FASN: variants seen among roughly 807,000 people sequenced by gnomAD.
FASN encodes 3-hydroxyacyl-[acyl-carrier-protein] dehydratase.
FASN carries 50 observed loss-of-function variants against 250.0 expected under a neutral mutation model. The ratio of observed to expected loss-of-function variants is 0.20; its 90% confidence interval spans 0.16 to 0.25. The LOEUF (loss-of-function observed/expected upper bound fraction) is 0.25, where lower values mean the gene tolerates loss of function less well. Among genes scored for constraint, FASN ranks in the 10% least tolerant of loss-of-function variants. The pLI is 1.00. For synonymous variants in FASN, 1,909 were observed against 1,584.0 expected, an observed-to-expected ratio of 1.21 and a Z score of -4.87; for missense variants, 3,031 against 3,498.5, an observed-to-expected ratio of 0.87 and a Z score of 3.37.
intron 5 of FASN, 45 bp downstream of exon 5, chr17:82,093,174 T>A (rs551181692): frequency 7.8e-6 from 12 of 1,542,708 alleles, no homozygotes; most frequent in South Asian, 1.2e-5. Flanking sequence ...GGGGCCGTCC[T>A]GTGCCACTGT....
chr17:82,090,468 A>T lies in FASN; in HGVS notation c.1777T>A (p.Cys593Ser), dbSNP rs1050288350. The T allele has an allele frequency of 6.2e-7, 1 of 1,607,280 alleles. No homozygotes were observed. The highest frequency in any genetic ancestry group is 1.3e-5 in the African/African-American group (1 of 74,804). The change falls in exon 11 of 43, where the codon TGC (cysteine) becomes AGC (serine). Residue 593 changes from cysteine (C) to serine (S), a missense_variant. Cys to Ser is a moderately radical substitution (Grantham distance 112, BLOSUM62 -1). Coordinates refer to ENST00000306749, the MANE Select transcript of FASN (RefSeq NM_004104.5). Reference sequence around the variant, plus strand: ...AGGACGGCCTCCTCCTGGGACAGGCAGCCGTCGGCGTAGCCACAGGCCACC... The same window carrying T: ...AGGACGGCCTCCTCCTGGGACAGGCTGCCGTCGGCGTAGCCACAGGCCACC... ...GEVACGYADG[C>S]LSQEEAVLAA...
At chr17:82,093,901 G>A (rs930562233) in intron 3 of FASN, 130 bp from the exon 4 acceptor site, 57 of 959,036 alleles carry the variant, frequency 5.9e-5, no homozygotes, top group Admixed American at 1.3e-4. Context: ...GTCCATCCCA[G>A]TGGGACCCTG....
rs200847998 is a variant in FASN, at chr17:82,088,871, G to C, written c.2310C>G (p.Val770=). 1 of 1,612,402 alleles carries C rather than the reference G, an allele frequency of 6.2e-7. No individual in the cohort carries two copies. The highest frequency in any genetic ancestry group is 1.3e-5 in the African/African-American group (1 of 75,030). Residue 770 remains valine (V), a synonymous_variant, in exon 15 of 43, where the codon GTC becomes GTG. Coordinates refer to ENST00000306749, the MANE Select transcript of FASN (RefSeq NM_004104.5). ...AGCTCGGCTTCAGGCCACGCTTCAG[G>C]ACAGCCTGGGGGCGGCAGGGCAGGT... The part of the protein sequence containing the change: ...EIAPHALLQA[V]LKRGLKPSCT...
rs976907017 is a variant in FASN, at chr17:82,078,867, C to A, written c.*276G>T. 1 of 567,740 alleles carries A rather than the reference C, an allele frequency of 1.8e-6. No homozygotes were observed. The highest frequency in any genetic ancestry group is 3.2e-6 in the Non-Finnish European group (1 of 315,810). 35.2% of individuals were successfully genotyped at this position (567,740 alleles called of 1,614,324 possible). On this transcript the variant is annotated 3_prime_UTR_variant, in exon 43 of 43. Transcript: ENST00000306749. The surrounding 1 kb of genome is among the most constrained non-coding windows in gnomAD (Gnocchi z 5.4). Reference sequence around the variant, plus strand: ...ACCAAGCGCAGACCCCACGGGCGCACGAGGCCCAGCCCAGTTCCTGCGGGC... The same window carrying A: ...ACCAAGCGCAGACCCCACGGGCGCAAGAGGCCCAGCCCAGTTCCTGCGGGC...
At chr17:82,095,203 C>T (rs961642598) in intron 3 of FASN, 117 bp downstream of exon 3, 14 of 1,289,808 alleles carry the variant, frequency 1.1e-5, no homozygotes, top group Admixed American at 1.7e-5. Context: ...GGGGCACAGC[C>T]GGGGAGGGTA....
At chr17:82,080,263 G>A in intron 40 of FASN, 25 bp from the exon 41 acceptor site, 2 of 1,612,500 alleles carry the variant, frequency 1.2e-6, no homozygotes, top group East Asian at 2.2e-5. Flanking sequence ...GGACTGCTGA[G>A]CAGATGGAAG....
At chr17:82,080,334 T>C in intron 40 of FASN, 36 bp downstream of exon 40, 1 of 1,608,668 alleles carries the variant, frequency 6.2e-7, no homozygotes, top group Non-Finnish European at 8.5e-7. Flanking sequence ...AGCCCAGACG[T>C]TTGCCGTAGG....
At position 82,089,007 on chromosome 17, in the gene FASN, C is replaced by T. The variant is rs150531044; in HGVS notation, c.2266G>A (p.Ala756Thr). 10 of 1,609,202 alleles carry T rather than the reference C, an allele frequency of 6.2e-6. No homozygotes were observed. Among genetic ancestry groups the T allele is most frequent in the African/African-American group, 5.4e-5 (4 of 74,760 alleles). Reference sequence around the variant, plus strand: ...TGGGGCGCGATCTCCAGCACCACCGCGTGCTCAGGCACGTGCCACAGGGCC... The same window carrying T: ...TGGGGCGCGATCTCCAGCACCACCGTGTGCTCAGGCACGTGCCACAGGGCC... ...QEALWHVPEHAVVLEIAPHAL... is the reference protein window; with the variant it reads ...QEALWHVPEHTVVLEIAPHAL... Residue 756 changes from alanine to threonine, a missense_variant, in exon 14 of 43, where the codon GCG becomes ACG. Transcript: ENST00000306749.
Position 82,085,486 on chromosome 17 carries a change from C to T in FASN, c.4118G>A (p.Ser1373Asn). ...CCCCCTGCCCGGCGGCCGCACCTGG[C>T]TCAGGATGCCCTGGCCATACTGCGG... ...TEPQYGQGIL[S>N]QDAWESLFSR... The change falls in exon 23 of 43, where the codon AGC (serine) becomes AAC (asparagine). Residue 1373 changes from serine to asparagine, a missense_variant. Transcript: ENST00000306749. The T allele has an allele frequency of 6.3e-7, 1 of 1,591,632 alleles. No homozygotes were observed. The highest frequency in any genetic ancestry group is 8.5e-7 in the Non-Finnish European group (1 of 1,169,968).
rs2144780749 is a variant in FASN, at chr17:82,081,175, T to C, written c.6584A>G (p.Asp2195Gly). Residue 2195 changes from aspartate to glycine, a missense_variant, in exon 38 of 43, where the codon GAT becomes GGT. Coordinates refer to ENST00000306749, the MANE Select transcript of FASN (RefSeq NM_004104.5). ...RKLQELSSKA[D>G]EASELACPTP... ...CCACCCACACGCACCGCTGGCCTCA[T>C]CCGCCTTTGAGGACAGCTCCTGCAG... 1.3e-6 allele frequency: 2 copies of C among 1,585,746 alleles called. No individual in the cohort carries two copies. Among genetic ancestry groups the C allele is most frequent in the Non-Finnish European group, 1.7e-6 (2 of 1,167,192 alleles).
In FASN at chr17:82,088,280, T is replaced by A; in HGVS notation, c.2621A>T (p.Tyr874Phe). The A allele has an allele frequency of 6.2e-7, 1 of 1,605,732 alleles. No homozygotes were observed. The highest frequency in any genetic ancestry group is 1.1e-5 in the South Asian group (1 of 91,046). Reference protein sequence around the residue: ...IDTSSESPDHYLVDHTLDGRV... With the variant: ...IDTSSESPDHFLVDHTLDGRV... Reference sequence around the variant, plus strand: ...ACCGTCGAGGGTGTGGTCCACCAGGTAGTGGTCAGGAGACTCGGAGCTGGT... The same window carrying A: ...ACCGTCGAGGGTGTGGTCCACCAGGAAGTGGTCAGGAGACTCGGAGCTGGT... Residue 874 changes from tyrosine (Y) to phenylalanine (F), a missense_variant, in exon 17 of 43, where the codon TAC becomes TTC. By Grantham distance (22) the Tyr-to-Phe change is conservative. Transcript: ENST00000306749.
chr17:82,091,481 G>C lies in FASN; in HGVS notation c.1233C>G (p.Pro411=). 1.2e-6 allele frequency: 2 copies of C among 1,604,846 alleles called. No homozygotes were observed. Among genetic ancestry groups the C allele is most frequent in the East Asian group, 2.2e-5 (1 of 44,446 alleles). The change falls in exon 9 of 43, where the codon CCC becomes CCG. Residue 411 remains proline (P), a synonymous_variant. Transcript: ENST00000306749. ...GGGTGGCATGTGGGGCGGGTGCGGG[G>C]GGCGGCTGCGTGTTGGGCCTCAGGA... The part of the protein sequence containing the change: ...HIILRPNTQP[P]PAPAPHATLP...
In FASN at chr17:82,083,914, C is replaced by T. The variant is rs756074348; in HGVS notation, c.5099-23G>A. On this transcript the variant is annotated intron_variant, in intron 29 of 42. Transcript: ENST00000306749. The stretch of plus-strand genomic sequence containing the variant: ...ACCCTGGTGAAGAGAGGAAGCGCGG[C>T]TGGTGAGCCAGGGCGGCGGGGCCAG... The T allele has an allele frequency of 3.2e-6, 5 of 1,555,320 alleles. No homozygotes were observed. In the Admixed American group the frequency reaches 9.8e-5, roughly 30 times the overall value.
rs746365737 is a variant in FASN at position 82,085,706 on chromosome 17, C to A, written c.3898G>T (p.Ala1300Ser). Residue 1300 changes from alanine to serine, a missense_variant, in exon 23 of 43, where the codon GCA (alanine) becomes TCA (serine). Ala to Ser is a moderately conservative substitution (Grantham distance 99). Coordinates refer to ENST00000306749, the MANE Select transcript of FASN (RefSeq NM_004104.5). ...CCCAGGGCGCTGGGGGCAGGGTCTG[C>A]GGGATCCCACTGGCCCTGGGCAACG... is the stretch of plus-strand genomic sequence containing the variant. The part of the protein sequence containing the change: ...HDVAQGQWDP[A>S]DPAPSALGSA... 4 of 1,566,870 alleles carry A rather than the reference C, an allele frequency of 2.6e-6. No homozygotes were observed. The highest frequency in any genetic ancestry group is 2.6e-6 in the Non-Finnish European group (3 of 1,156,788).
In FASN at chr17:82,094,652, G is replaced by GA. The variant is rs1448472637; in HGVS notation, c.280+667_280+668insT. On this transcript the variant is annotated intron_variant, in intron 3 of 42. Transcript: ENST00000306749. ...AAAAATACAAAAATTAGCCGGGCGT[G>GA]GTGGTGGGCGCCTGTAGTCCCGGCC... Among the ~76,000 whole-genome samples, 10 of 151,850 alleles carry GA rather than the reference G, an allele frequency of 6.6e-5. No homozygotes were observed. The East Asian group carries it at 1.6e-3, about 24-fold the overall frequency.
rs928832169 is a variant in FASN, at chr17:82,084,085, C to G, written c.4988G>C (p.Gly1663Ala). The G allele has an allele frequency of 8.3e-6, 13 of 1,560,258 alleles. No individual in the cohort carries two copies. The highest frequency in any genetic ancestry group is 1.1e-5 in the Non-Finnish European group (13 of 1,153,868). Residue 1663 changes from glycine to alanine, a missense_variant, in exon 29 of 43, where the codon GGG (glycine) becomes GCG (alanine). Physicochemically the swap from Gly to Ala is moderately conservative, Grantham distance 60. Coordinates refer to ENST00000306749, the MANE Select transcript of FASN (RefSeq NM_004104.5). ...STAYYALVVRGRVRPGETLLI... is the reference protein window; with the variant it reads ...STAYYALVVRARVRPGETLLI... Reference sequence around the variant, plus strand: ...CAGCGTCTCCCCGGGGCGCACCCGCCCACGCACCACCAGCGCGTAGTAGGC... The same window carrying G: ...CAGCGTCTCCCCGGGGCGCACCCGCGCACGCACCACCAGCGCGTAGTAGGC...
chr17:82,094,719 G>A (rs1237914259), intron 3 of FASN, among the ~76,000 whole-genome samples: 1 of 151,866 alleles, frequency 6.6e-6, no homozygotes, highest in East Asian at 1.9e-4. Flanking sequence ...AACCCAGGAG[G>A]CAGAGCTTGC....
rs1287123392 is a variant in FASN at position 82,084,574 on chromosome 17, G to C, written c.4707C>G (p.Ala1569=). The C allele has an allele frequency of 1.2e-6, 2 of 1,611,514 alleles. No homozygotes were observed. The highest frequency in any genetic ancestry group is 1.3e-5 in the African/African-American group (1 of 74,926). ...PGAQLCTVYY[A]SLNFRDIMLA... is the part of the protein sequence containing the mutation. ...GCATGATGTCGCGGAAGTTGAGGGA[G>C]GCGTAGTAGACCGTGCAGAGCTGGG... Residue 1569 remains alanine, a synonymous_variant, in exon 27 of 43, where the codon GCC becomes GCG. Coordinates refer to ENST00000306749, the MANE Select transcript of FASN (RefSeq NM_004104.5).
At chr17:82,081,089 ACACGGTC>A in intron 38 of FASN, 68 bp downstream of exon 38, 1 of 1,505,476 alleles carries the variant, frequency 6.6e-7, no homozygotes, top group Middle Eastern at 2.2e-4. Context: ...GCCTGCCGGG[ACACGGTC>A]CAGACAACAA....
Sources: gnomAD v4.1 joint callset for allele counts (sites outside exome capture counted in the v4.1 genomes callset) on GRCh38, gnomAD v4.1.1 for gene constraint, Gnocchi (gnomAD v3.1) non-coding constraint, MANE v1.5 for transcripts, NCBI Gene and HGNC (gene_info 2026-07-23, HGNC 2026-07-21) for gene names.